ZP2: variants seen among roughly 807,000 people sequenced by gnomAD.
ZP2 encodes the protein zona pellucida sperm-binding protein 2.
In ZP2, 51 loss-of-function variants were observed where a neutral mutation model predicts 84.0. That is an observed-to-expected ratio of 0.61 (90% CI 0.49 to 0.77). The LOEUF is 0.77. Among genes scored for constraint, ZP2 ranks in the 30% least tolerant of loss-of-function variants. The pLI, the probability that ZP2 is intolerant of heterozygous loss-of-function variation, is 0.00. For missense variants in ZP2, 909 were observed against 911.9 expected (o/e 1.00, Z 0.04); for synonymous variants, 375 against 330.9 (o/e 1.13, Z -1.45).
intron 9 of ZP2, among the ~76,000 whole-genome samples, chr16:21,203,574 G>A (rs2093235964): frequency 1.3e-5 from 2 of 152,196 alleles, no homozygotes; most frequent in Admixed American, 1.3e-4. Flanking sequence ...GGACTCTACA[G>A]ATGTTATAAA....
intron 4 of ZP2, 33 bp from the exon 5 acceptor site, chr16:21,207,023 A>G: frequency 6.2e-7 from 1 of 1,612,064 alleles, no homozygotes; most frequent in South Asian, 1.1e-5. Flanking sequence ...GAACAGAGTA[A>G]GTACTGTACC....
At position 21,204,107 on chromosome 16, in the gene ZP2, G is replaced by A. The variant is rs2093238572; in HGVS notation, c.895C>T (p.Leu299=). 6.2e-7 allele frequency: 1 copy of A among 1,614,010 alleles called. No individual in the cohort carries two copies. Among genetic ancestry groups the A allele is most frequent in the African/African-American group, 1.3e-5 (1 of 74,910 alleles). The change falls in exon 9 of 19, where the codon CTG becomes TTG. Residue 299 remains leucine (L), a synonymous_variant. Coordinates refer to ENST00000574091, the MANE Select transcript of ZP2 (RefSeq NM_001376232.1). The part of the protein sequence containing the change: ...FENQNIDVSQ[L]HDNGIDLEAT... ...TCTAGATCAATTCCATTGTCATGCA[G>A]CTGGCTCACATCAATGTTCTGGTTT...
chr16:21,198,834 C>T lies in ZP2; in HGVS notation c.1956G>A (p.Met652Ile), dbSNP rs780490274. The change falls in exon 17 of 19, where the codon ATG (methionine) becomes ATA (isoleucine). Residue 652 changes from methionine to isoleucine, a missense_variant. Physicochemically the swap from Met to Ile is conservative, Grantham distance 10 (BLOSUM62 1). Transcript: ENST00000574091. ...RATGATEAEK[M>I]TVSLPGPILL... Reference sequence around the variant, plus strand: ...GAATGGGTCCTGGGAGGCTGACTGTCATTTTCTCTGCTTCAGTGGCCCCTG... The same window carrying T: ...GAATGGGTCCTGGGAGGCTGACTGTTATTTTCTCTGCTTCAGTGGCCCCTG... 1 of 1,614,020 alleles carries T rather than the reference C, an allele frequency of 6.2e-7. No individual in the cohort carries two copies. Among genetic ancestry groups the T allele is most frequent in the Admixed American group, 1.7e-5 (1 of 59,994 alleles).
chr16:21,211,019 A>G (rs1420373660), intron 2 of ZP2, among the ~76,000 whole-genome samples: 1 of 151,726 alleles, frequency 6.6e-6, no homozygotes, highest in Non-Finnish European at 1.5e-5. Context: ...GTGTTTGAAG[A>G]TTGCTGCTCC....
Position 21,205,794 on chromosome 16 carries a change from G to A in ZP2, c.484-19C>T, listed in dbSNP as rs1348497662. ...AGGAAAACTGGAAGAAAAGAATTGT[G>A]ATGTAAGACTTTGATTTGGAGGTAG... On this transcript the variant is annotated intron_variant, in intron 5 of 18. Transcript: ENST00000574091. 2 of 1,613,520 alleles carry A rather than the reference G, an allele frequency of 1.2e-6. No homozygotes were observed. The highest frequency in any genetic ancestry group is 2.2e-5 in the East Asian group (1 of 44,810).
intron 6 of ZP2, 60 bp from the exon 7 acceptor site, chr16:21,205,644 C>CT: frequency 6.2e-7 from 1 of 1,612,052 alleles, no homozygotes; most frequent in Non-Finnish European, 8.5e-7. Context: ...CTCTGGTAGT[C>CT]TAACAATTTA....
rs2093227007 is a variant in ZP2 at position 21,201,835 on chromosome 16, AAG to A, written c.1380-7_1380-6del. The A allele has an allele frequency of 1.9e-6, 3 of 1,613,976 alleles. No individual in the cohort carries two copies. Among genetic ancestry groups the A allele is most frequent in the Non-Finnish European group, 2.5e-6 (3 of 1,179,998 alleles). ...TAAGAACACTTCACTGTCATTCTGT[AAG>A]AGTTTGGAGGGAAGGTAGGTACAGA... On this transcript the variant is annotated splice_region_variant and splice_polypyrimidine_tract_variant and intron_variant, in intron 12 of 18. Coordinates refer to ENST00000574091, the MANE Select transcript of ZP2 (RefSeq NM_001376232.1).
rs749882926 is a variant in ZP2 at position 21,210,201 on chromosome 16, C to A, written c.152-9G>T. 6 of 1,613,046 alleles carry A rather than the reference C, an allele frequency of 3.7e-6. No homozygotes were observed. Among genetic ancestry groups the A allele is most frequent in the South Asian group, 1.1e-5 (1 of 91,052 alleles). On this transcript the variant is annotated splice_polypyrimidine_tract_variant and intron_variant, in intron 2 of 18. Transcript: ENST00000574091. ...ATCGCAAGTGACAGTGCCTAAGGAGCAAAGGAAGCATTTGGGGGCTTTGAG... is the reference window on the plus strand; with the variant it reads ...ATCGCAAGTGACAGTGCCTAAGGAGAAAAGGAAGCATTTGGGGGCTTTGAG...
At position 21,208,687 on chromosome 16, in the gene ZP2, C is replaced by G. The variant is rs143127729; in HGVS notation, c.330+944G>C. ...CCCTTACTGCTTAGCTGCTGTTTGC[C>G]TTTTAACACCTGTTTCTATAGGTCA... On this transcript the variant is annotated intron_variant, in intron 4 of 18. Coordinates refer to ENST00000574091, the MANE Select transcript of ZP2 (RefSeq NM_001376232.1). Among the ~76,000 whole-genome samples the G allele has an allele frequency of 1.9e-3, 291 of 152,304 alleles. No homozygotes were observed. The Middle Eastern group carries it at 0.024, about 12-fold the overall frequency.
chr16:21,205,820 A>G, intron 5 of ZP2, 45 bp from the exon 6 acceptor site: 1 of 1,599,200 alleles, frequency 6.3e-7, no homozygotes, highest in South Asian at 1.1e-5. Flanking sequence ...TTGGAGGTAG[A>G]TGTTTCCGAA....
At position 21,197,623 on chromosome 16, in the gene ZP2, C is replaced by A; in HGVS notation, c.2096-1G>T. 1.9e-6 allele frequency: 3 copies of A among 1,614,092 alleles called. No homozygotes were observed. Among genetic ancestry groups the A allele is most frequent in the Non-Finnish European group, 2.5e-6 (3 of 1,180,002 alleles). On this transcript the variant is annotated splice_acceptor_variant, in intron 18 of 18. Transcript: ENST00000574091. LOFTEE classifies it high-confidence loss of function. ...TTGTGCCCTTTGGTGTCCATAGCACCTACAAAGGAAGCAGACATTTGAGTC... is the reference window on the plus strand; with the variant it reads ...TTGTGCCCTTTGGTGTCCATAGCACATACAAAGGAAGCAGACATTTGAGTC...
chr16:21,204,503 C>A, intron 7 of ZP2, 99 bp from the exon 8 acceptor site: 2 of 885,628 alleles, frequency 2.3e-6, no homozygotes, highest in Non-Finnish European at 3.6e-6. Flanking sequence ...GTAATGGGCA[C>A]TACTTTGACA....
Position 21,197,637 on chromosome 16 carries a change from G to C in ZP2, c.2096-15C>G, listed in dbSNP as rs2093205488. On this transcript the variant is annotated splice_polypyrimidine_tract_variant and intron_variant, in intron 18 of 18. Coordinates refer to ENST00000574091, the MANE Select transcript of ZP2 (RefSeq NM_001376232.1). ...GTCCATAGCACCTACAAAGGAAGCA[G>C]ACATTTGAGTCTTAAGTATTTTTAA... 5 of 1,613,976 alleles carry C rather than the reference G, an allele frequency of 3.1e-6. No individual in the cohort carries two copies. Among genetic ancestry groups the C allele is most frequent in the Non-Finnish European group, 3.4e-6 (4 of 1,179,982 alleles).
chr16:21,211,339 T>C lies in ZP2; in HGVS notation c.119A>G (p.Asp40Gly). 1 of 1,614,084 alleles carries C rather than the reference T, an allele frequency of 6.2e-7. No homozygotes were observed. Among genetic ancestry groups the C allele is most frequent in the South Asian group, 1.1e-5 (1 of 91,078 alleles). The change falls in exon 2 of 19, where the codon GAT becomes GGT. Residue 40 changes from aspartate (D) to glycine (G), a missense_variant. Transcript: ENST00000574091. The part of the protein sequence containing the change: ...FALVTSGNSI[D>G]VSQLVNPAFP... Reference sequence around the variant, plus strand: ...GGCAGGATTTACCAACTGAGAAACATCTATGGAGTTCCCTGAAGTCACAAG... The same window carrying C: ...GGCAGGATTTACCAACTGAGAAACACCTATGGAGTTCCCTGAAGTCACAAG...
In ZP2 at chr16:21,197,950, C is replaced by T. The variant is rs575465863; in HGVS notation, c.2012-101G>A. The T allele has an allele frequency of 1.6e-3, 1,852 of 1,150,382 alleles. 4 individuals are homozygous for T. The highest frequency in any genetic ancestry group is 2.2e-3 in the Non-Finnish European group (1,666 of 768,890). 71.3% of individuals were successfully genotyped at this position (1,150,382 alleles called of 1,614,324 possible). A position where few individuals can be genotyped will look rare whatever the true frequency, so the allele number is the denominator to read the frequency against. On this transcript the variant is annotated intron_variant, in intron 17 of 18. Transcript: ENST00000574091. The stretch of plus-strand genomic sequence containing the variant: ...CCCACAGGTTGTTCATTAAGGCTAT[C>T]TCAGGTAAGGGTATGTGTTAACAGG...
chr16:21,204,461 A>G, intron 7 of ZP2, 57 bp from the exon 8 acceptor site: 1 of 1,414,080 alleles, frequency 7.1e-7, no homozygotes, highest in East Asian at 2.3e-5. Context: ...ATCTCTAACC[A>G]GTAAGAATCA....
chr16:21,207,135 G>T, intron 4 of ZP2, 145 bp from the exon 5 acceptor site: 2 of 912,466 alleles, frequency 2.2e-6, no homozygotes, highest in South Asian at 1.7e-5. Context: ...CGTACCAGGA[G>T]ACTAGCTAGC....
chr16:21,203,010 A>T, intron 10 of ZP2, 115 bp downstream of exon 10: 1 of 1,261,136 alleles, frequency 7.9e-7, no homozygotes, highest in Non-Finnish European at 1.1e-6. Context: ...ACTAGTCTTT[A>T]GTTTCTTCAG....
In ZP2 at chr16:21,202,154, C is replaced by A; in HGVS notation, c.1237G>T (p.Gly413Trp). ...AGGGGTATGTGGAACCGTACCAGCC[C>A]CTGAGACTGAGCCTCAAAGACAGGC... ...CQPVFEAQSQ[G>W]LVRFHIPLNG... is the part of the protein sequence containing the mutation. The change falls in exon 11 of 19, where the codon GGG becomes TGG. Residue 413 changes from glycine (G) to tryptophan (W), a missense_variant. Physicochemically the swap from Gly to Trp is radical, Grantham distance 184. Coordinates refer to ENST00000574091, the MANE Select transcript of ZP2 (RefSeq NM_001376232.1). 1.2e-6 allele frequency: 2 copies of A among 1,608,248 alleles called. No homozygotes were observed. Among genetic ancestry groups the A allele is most frequent in the South Asian group, 2.2e-5 (2 of 89,656 alleles).
Sources: allele counts gnomAD v4.1 joint callset (sites outside exome capture counted in the v4.1 genomes callset), GRCh38; gene constraint gnomAD v4.1.1; transcripts MANE v1.5; gene names NCBI Gene and HGNC (gene_info 2026-07-23, HGNC 2026-07-21).